Variants in AKT3 observed in about 807,000 individuals in gnomAD.
AKT3 encodes the protein RAC-gamma serine/threonine-protein kinase.
AKT3 carries 15 observed loss-of-function variants against 65.3 expected under a neutral mutation model. The ratio of observed to expected loss-of-function variants is 0.23; its 90% CI spans 0.15 to 0.35. The LOEUF is 0.35. Ranked by LOEUF, AKT3 falls within the 10% of genes least tolerant of loss-of-function variation. The pLI is 1.00. For synonymous variants in AKT3, 206 were observed against 183.8 expected, an observed-to-expected ratio of 1.12 and a Z score of -0.98; for missense variants, 243 against 576.5, an observed-to-expected ratio of 0.42 and a Z score of 5.92.
At chr1:243,759,336 AAATT>A (rs372323079) in intron 2 of AKT3, among the ~76,000 whole-genome samples, 76,483 of 150,600 alleles carry the variant, frequency 0.51, 23,093 homozygotes, top group Non-Finnish European at 0.68. Context: ...AAATAAAATT[AAATT>A]AAATTAAATT....
At position 243,760,676 on chromosome 1, in the gene AKT3, TACAA is replaced by T. The variant is rs1289326021; in HGVS notation, c.47-64964_47-64961del. ...AGCCTTCTTCCTTCAGCTCTCCTAT[TACAA>T]ACAATGTCCTTTTCACAGTATTTAG... On this transcript the variant is annotated intron_variant, in intron 2 of 13. Transcript: ENST00000673466. Among the ~76,000 whole-genome samples the T allele has an allele frequency of 3.3e-5, 5 of 152,160 alleles. No individual in the cohort carries two copies. The South Asian group carries it at 6.2e-4, about 19-fold the overall frequency.
intron 12 of AKT3, among the ~76,000 whole-genome samples, chr1:243,533,183 A>G (rs1671662397): frequency 6.6e-6 from 1 of 152,200 alleles, no homozygotes; most frequent in African/African-American, 2.4e-5. Flanking sequence ...AAATTGGTTA[A>G]CCAAAATAAT....
chr1:243,662,129 A>G (rs1176298752), intron 4 of AKT3, among the ~76,000 whole-genome samples: 1 of 151,944 alleles, frequency 6.6e-6, no homozygotes, highest in African/African-American at 2.4e-5. Flanking sequence ...TAGTTCAACC[A>G]TTGTGGAAGT....
chr1:243,558,526 C>A (rs779336639), intron 10 of AKT3, among the ~76,000 whole-genome samples: 10 of 152,074 alleles, frequency 6.6e-5, no homozygotes, highest in Non-Finnish European at 1.2e-4. Flanking sequence ...TACTGCACTT[C>A]AGCCACTGGA....
chr1:243,773,287 A>G (rs991653852), intron 2 of AKT3, among the ~76,000 whole-genome samples: 2 of 151,496 alleles, frequency 1.3e-5, no homozygotes, highest in East Asian at 1.9e-4. Flanking sequence ...CTGGAGGGTA[A>G]TTAAAGATAT....
intron 4 of AKT3, among the ~76,000 whole-genome samples, chr1:243,649,612 G>A (rs1320029321): frequency 3.3e-5 from 5 of 151,848 alleles, no homozygotes; most frequent in Non-Finnish European, 7.4e-5. Context: ...CCCTCCCTGT[G>A]TCCATGTGTT....
At chr1:243,499,631 T>C (rs1449680712), downstream of AKT3, 15 of 778,638 alleles carry the variant, frequency 1.9e-5, no homozygotes, top group Admixed American at 3.0e-4. Context: ...TCCACATTTT[T>C]AGCAACAGGT....
intron 2 of AKT3, among the ~76,000 whole-genome samples, chr1:243,754,480 T>G (rs931576299): frequency 6.6e-6 from 1 of 152,128 alleles, no homozygotes; most frequent in Non-Finnish European, 1.5e-5. Context: ...GATGGAGAGA[T>G]AGGAGGTGCT....
intron 2 of AKT3, among the ~76,000 whole-genome samples, chr1:243,817,436 AAAT>A (rs1384392074): frequency 6.6e-6 from 1 of 152,190 alleles, no homozygotes; most frequent in Non-Finnish European, 1.5e-5. Flanking sequence ...CCCTGCTAGA[AAAT>A]AATATTTTAA....
At chr1:243,760,624 C>T (rs1689435463) in intron 2 of AKT3, among the ~76,000 whole-genome samples, 1 of 152,148 alleles carries the variant, frequency 6.6e-6, no homozygotes, top group Non-Finnish European at 1.5e-5. Context: ...CCCATGTTCT[C>T]ACATGAGGCT....
intron 2 of AKT3, among the ~76,000 whole-genome samples, chr1:243,714,454 G>C (rs1271773702): frequency 7.9e-5 from 12 of 152,092 alleles, no homozygotes; most frequent in Non-Finnish European, 1.3e-4. Flanking sequence ...ATAAACTATA[G>C]CTGTTGATAA....
intron 8 of AKT3, among the ~76,000 whole-genome samples, chr1:243,592,823 A>T (rs1676328201): frequency 6.6e-6 from 1 of 152,208 alleles, no homozygotes; most frequent in Admixed American, 6.5e-5. Context: ...TTCTGTTTTA[A>T]ATTTCCTTAA....
intron 8 of AKT3, among the ~76,000 whole-genome samples, chr1:243,575,057 C>G (rs557507556): frequency 7.9e-5 from 12 of 152,258 alleles, no homozygotes; most frequent in Admixed American, 6.5e-4. Context: ...AGTCTGCTAT[C>G]TGATGTGTAC....
intron 3 of AKT3, among the ~76,000 whole-genome samples, chr1:243,676,832 T>C (rs1242370919): frequency 1.3e-5 from 2 of 152,160 alleles, no homozygotes; most frequent in Non-Finnish European, 2.9e-5. Context: ...GAACTTACTA[T>C]CAAAATCCTC....
At chr1:243,847,534 T>G (rs1339712590) in intron 1 of AKT3, among the ~76,000 whole-genome samples, 5 of 152,194 alleles carry the variant, frequency 3.3e-5, no homozygotes, top group Admixed American at 6.5e-5. Context: ...GAAACCCAGA[T>G]AGCTGGAAAT....
intron 2 of AKT3, among the ~76,000 whole-genome samples, chr1:243,768,359 AAC>A (rs1476153917): frequency 6.6e-6 from 1 of 152,118 alleles, no homozygotes; most frequent in Non-Finnish European, 1.5e-5. Context: ...TTCCATTGCT[AAC>A]AGTTTTTTCA....
intron 6 of AKT3, among the ~76,000 whole-genome samples, chr1:243,620,666 T>C (rs1678677615): frequency 1.3e-5 from 2 of 152,156 alleles, no homozygotes; most frequent in South Asian, 4.1e-4. Context: ...TCAGACTGTC[T>C]TCTGTTCCTT....
intron 1 of AKT3, among the ~76,000 whole-genome samples, chr1:243,848,675 T>C (rs970572151): frequency 3.3e-5 from 5 of 152,242 alleles, no homozygotes; most frequent in African/African-American, 1.2e-4. Context: ...ACGGAACACA[T>C]GTCTAAACTG....
intron 2 of AKT3, among the ~76,000 whole-genome samples, chr1:243,790,970 G>A (rs115231550): frequency 0.015 from 2,263 of 152,154 alleles, 31 homozygotes; most frequent in Middle Eastern, 0.034. Context: ...CACCATAACC[G>A]GTATAATAAT....
Sources: allele counts gnomAD v4.1 joint callset (sites outside exome capture counted in the v4.1 genomes callset), GRCh38; gene constraint gnomAD v4.1.1; transcripts MANE v1.5; gene names NCBI Gene and HGNC (gene_info 2026-07-23, HGNC 2026-07-21).